The following MYO5C variants were observed in gnomAD, a reference collection of about 807,000 sequenced individuals.
The protein encoded by MYO5C is myosin VC.
In MYO5C, 194 loss-of-function variants were observed where a neutral mutation model predicts 235.7. The ratio of observed to expected loss-of-function variants is 0.82; its 90% CI spans 0.73 to 0.93. The LOEUF is 0.93. MYO5C is among the 40% of genes least tolerant of loss of function. The pLI is 0.00. For missense variants in MYO5C, 2,038 were observed against 2,127.2 expected, an observed-to-expected ratio of 0.96 and a Z score of 0.82; for synonymous variants, 707 against 754.8, an observed-to-expected ratio of 0.94 and a Z score of 1.04.
intron 13 of MYO5C, among the ~76,000 whole-genome samples, chr15:52,248,999 G>C (rs572481928): frequency 2.6e-5 from 4 of 152,316 alleles, no homozygotes; most frequent in Admixed American, 1.3e-4. Flanking sequence ...TCACCTGCCT[G>C]CTGATCACTC....
chr15:52,219,741 A>C lies in MYO5C; in HGVS notation c.3785+18T>G, dbSNP rs756204413. On this transcript the variant is annotated intron_variant, in intron 31 of 40. Transcript: ENST00000261839. ...TTACACGAGCATGAACTTGAGGTAC[A>C]CACATATTTACACTTACTTTCTTTG... is the stretch of plus-strand genomic sequence containing the variant. 30 of 1,590,348 alleles carry C rather than the reference A, an allele frequency of 1.9e-5. No homozygotes were observed. The East Asian group carries it at 6.7e-4, about 36-fold the overall frequency.
rs780306907 is a variant in MYO5C, at chr15:52,194,039, G to A, written c.5092C>T (p.Arg1698Trp). Residue 1698 changes from arginine to tryptophan, a missense_variant, in exon 41 of 41, where the codon CGG (arginine) becomes TGG (tryptophan). Transcript: ENST00000261839. ...AACATCAGCTGTGATGAATCCTCCC[G>A]GCTATTTAGGAGAGCCTGAAATTAG... ...VRKVQALLNS[R>W]EDSSQLMLDT... 1.9e-5 allele frequency: 30 copies of A among 1,612,448 alleles called. No homozygotes were observed. The highest frequency in any genetic ancestry group is 8.0e-5 in the African/African-American group (6 of 74,824).
At chr15:52,274,682 A>C (rs1310161681) in intron 5 of MYO5C, among the ~76,000 whole-genome samples, 2 of 121,086 alleles carry the variant, frequency 1.7e-5, no homozygotes, top group African/African-American at 3.1e-5. Flanking sequence ...CCCCCCCCCG[A>C]CATATGTTTC....
rs964200290 is a variant in MYO5C, at chr15:52,249,887, G to A, written c.1663-1104C>T. Among the ~76,000 whole-genome samples, 12 of 152,198 alleles carry A rather than the reference G, an allele frequency of 7.9e-5. No homozygotes were observed. The South Asian group carries it at 2.3e-3, about 29-fold the overall frequency. On this transcript the variant is annotated intron_variant, in intron 13 of 40. Coordinates refer to ENST00000261839, the MANE Select transcript of MYO5C (RefSeq NM_018728.4). ...CCTGATTTCCCTGGCCAATGAGATTGAAAACCTAATCTAACCCCATAGTGC... is the reference window on the plus strand; with the variant it reads ...CCTGATTTCCCTGGCCAATGAGATTAAAAACCTAATCTAACCCCATAGTGC...
chr15:52,239,635 T>A, intron 21 of MYO5C, 98 bp downstream of exon 21: 1 of 1,329,238 alleles, frequency 7.5e-7, no homozygotes, highest in Non-Finnish European at 1.0e-6. Flanking sequence ...CCTCCTAACA[T>A]GGCATAAATT....
intron 1 of MYO5C, among the ~76,000 whole-genome samples, chr15:52,283,202 G>C (rs1487676185): frequency 6.6e-6 from 1 of 152,142 alleles, no homozygotes. Flanking sequence ...AGGGTTAGAG[G>C]AGAGGGATTT....
chr15:52,226,335 CA>C (rs1274437652), intron 25 of MYO5C, among the ~76,000 whole-genome samples: 1 of 152,182 alleles, frequency 6.6e-6, no homozygotes, highest in African/African-American at 2.4e-5. Context: ...GTGGCCTGGG[CA>C]GCTCTGGTTG....
In MYO5C at chr15:52,249,736, T is replaced by G. The variant is rs142375939; in HGVS notation, c.1663-953A>C. On this transcript the variant is annotated intron_variant, in intron 13 of 40. Transcript: ENST00000261839. ...AAAGGTGGCAAATACAGAGCTTTCC[T>G]GGTCTGGGCGAGCATCTGTGGGGAC... Among the ~76,000 whole-genome samples the G allele has an allele frequency of 6.7e-3, 1,022 of 152,350 alleles. 8 individuals are homozygous for G. Among genetic ancestry groups the G allele is most frequent in the African/African-American group, 0.024 (982 of 41,578 alleles).
intron 1 of MYO5C, among the ~76,000 whole-genome samples, chr15:52,289,125 T>C (rs1441692828): frequency 1.3e-5 from 2 of 151,854 alleles, no homozygotes; most frequent in African/African-American, 4.8e-5. Context: ...ACCATGCCCC[T>C]CTCTTCCTCC....
At chr15:52,281,207 G>C (rs550236828) in intron 2 of MYO5C, among the ~76,000 whole-genome samples, 2 of 152,278 alleles carry the variant, frequency 1.3e-5, no homozygotes, top group African/African-American at 4.8e-5. Flanking sequence ...ACAGTCTTTG[G>C]GGGAGGGGAG....
intron 38 of MYO5C, among the ~76,000 whole-genome samples, chr15:52,200,452 C>T (rs1190728367): frequency 1.3e-5 from 2 of 152,062 alleles, no homozygotes; most frequent in African/African-American, 2.4e-5. Context: ...CTTGTAATCC[C>T]AGCTACTTGG....
rs765574105 is a variant in MYO5C, at chr15:52,232,618, A to G, written c.3026+4T>C. 3.7e-6 allele frequency: 6 copies of G among 1,613,460 alleles called. No homozygotes were observed. Among genetic ancestry groups the G allele is most frequent in the Middle Eastern group, 3.3e-4 (2 of 6,078 alleles). ...GTAGCTTTAAGGCAAACTAGATTCCATACATTCTTTGCCGTTCTTCCTTTT... is the reference window on the plus strand; with the variant it reads ...GTAGCTTTAAGGCAAACTAGATTCCGTACATTCTTTGCCGTTCTTCCTTTT... On this transcript the variant is annotated splice_donor_region_variant and intron_variant, in intron 24 of 40. Transcript: ENST00000261839.
In MYO5C at chr15:52,235,673, T is replaced by G. The variant is rs780668682; in HGVS notation, c.2959A>C (p.Lys987Gln). 3.0e-5 allele frequency: 48 copies of G among 1,608,886 alleles called. No homozygotes were observed. Among genetic ancestry groups the G allele is most frequent in the Non-Finnish European group, 4.0e-5 (47 of 1,177,118 alleles). ...LKLQEKTEEL[K>Q]EKMDNLTKQL... ...ATTTGTGCCCCCCAAGCTTTACCTT[T>G]TAACTCTTCAGTCTTCTCTTGAAGC... The change falls in exon 23 of 41, where the codon AAA (lysine) becomes CAA (glutamine). Residue 987 changes from lysine to glutamine, a missense_variant. Coordinates refer to ENST00000261839, the MANE Select transcript of MYO5C (RefSeq NM_018728.4).
chr15:52,199,917 A>G lies in MYO5C; in HGVS notation c.4821-3434T>C, dbSNP rs572016075. 1.1e-4 allele frequency among the ~76,000 whole-genome samples: 16 copies of G among 152,324 alleles called. No homozygotes were observed. In the South Asian group the frequency reaches 2.1e-3, roughly 20 times the overall value. On this transcript the variant is annotated intron_variant, in intron 38 of 40. Transcript: ENST00000261839. ...CAGTTTTCTAGCTGAAGCACCAAAAAGGGGGCAGAAAGTAATAGGAATGCC... is the reference window on the plus strand; with the variant it reads ...CAGTTTTCTAGCTGAAGCACCAAAAGGGGGGCAGAAAGTAATAGGAATGCC...
At chr15:52,278,039 G>C (rs1410851048) in intron 4 of MYO5C, 2 of 443,254 alleles carry the variant, frequency 4.5e-6, no homozygotes, top group African/African-American at 2.0e-5. Flanking sequence ...TGTGAAATGA[G>C]GGCAATGAAG....
intron 1 of MYO5C, among the ~76,000 whole-genome samples, chr15:52,293,660 C>T (rs2037441290): frequency 1.3e-5 from 2 of 152,144 alleles, no homozygotes; most frequent in African/African-American, 4.8e-5. Flanking sequence ...CCAGTCCAGC[C>T]TCTCAGCCTC....
At chr15:52,286,385 C>T (rs1353726497) in intron 1 of MYO5C, among the ~76,000 whole-genome samples, 96 of 142,584 alleles carry the variant, frequency 6.7e-4, no homozygotes, top group East Asian at 1.7e-3. Flanking sequence ...GCCCGGCCGC[C>T]CCTACTGGGA....
intron 8 of MYO5C, among the ~76,000 whole-genome samples, chr15:52,268,289 G>T (rs1265856421): frequency 5.9e-5 from 9 of 152,340 alleles, no homozygotes; most frequent in African/African-American, 2.2e-4. Flanking sequence ...GGCTGGCCGG[G>T]CGCGGTGGCT....
chr15:52,275,742 A>T, intron 4 of MYO5C, 24 bp from the exon 5 acceptor site: 4 of 1,611,922 alleles, frequency 2.5e-6, no homozygotes, highest in Middle Eastern at 1.7e-4. Flanking sequence ...AAGTTTTCAA[A>T]TATTAGTTTC....
Sources: gnomAD v4.1 joint callset for allele counts (sites outside exome capture counted in the v4.1 genomes callset) on GRCh38, gnomAD v4.1.1 for gene constraint, MANE v1.5 for transcripts, NCBI Gene and HGNC (gene_info 2026-07-23, HGNC 2026-07-21) for gene names.